Variants in AKAP9 observed in about 807,000 individuals in gnomAD.
The protein encoded by AKAP9 is A-kinase anchor protein 9.
In AKAP9, 311 loss-of-function variants were observed where a neutral mutation model predicts 488.5. The ratio of observed to expected loss-of-function variants is 0.64; its 90% CI spans 0.58 to 0.70. The LOEUF (loss-of-function observed/expected upper bound fraction) is 0.70. Among genes scored for constraint, AKAP9 ranks in the 30% least tolerant of loss-of-function variants. The pLI is 0.00. For missense variants in AKAP9, 4,215 were observed against 4,374.5 expected (o/e 0.96, Z 1.03); for synonymous variants, 1,462 against 1,483.5 (o/e 0.99, Z 0.33).
At chr7:91,949,288 TG>T (rs1225958675) in intron 1 of AKAP9, among the ~76,000 whole-genome samples, 1 of 152,200 alleles carries the variant, frequency 6.6e-6, no homozygotes, top group Non-Finnish European at 1.5e-5. Flanking sequence ...TTAGGCTTTT[TG>T]GGCTTTGCCA....
intron 1 of AKAP9, among the ~76,000 whole-genome samples, chr7:91,967,278 CT>C (rs1340320133): frequency 3.3e-5 from 5 of 151,950 alleles, no homozygotes; most frequent in African/African-American, 1.2e-4. Flanking sequence ...CTAAATTGAC[CT>C]TTTCCTTTCC....
intron 14 of AKAP9, among the ~76,000 whole-genome samples, chr7:92,023,672 A>G (rs1802653749): frequency 6.6e-6 from 1 of 152,208 alleles, no homozygotes; most frequent in Non-Finnish European, 1.5e-5. Flanking sequence ...AGCAGGTGCC[A>G]GAATCTTGCT....
Position 92,089,545 on chromosome 7 carries a change from AGCTCATAT to A in AKAP9, c.9358+18_9358+25del. ...CCAAGCCAAGGTATGTTGTATGACA[AGCTCATAT>A]GGTTACACAAACAGGTGAAAAGATT... is the stretch of plus-strand genomic sequence containing the variant. On this transcript the variant is annotated intron_variant, in intron 38 of 49. Transcript: ENST00000356239. 1 of 1,612,036 alleles carries A rather than the reference AGCTCATAT, an allele frequency of 6.2e-7. No individual in the cohort carries two copies. Among genetic ancestry groups the A allele is most frequent in the Non-Finnish European group, 8.5e-7 (1 of 1,178,790 alleles).
At chr7:91,957,685 A>G (rs1426707548) in intron 1 of AKAP9, among the ~76,000 whole-genome samples, 1 of 152,226 alleles carries the variant, frequency 6.6e-6, no homozygotes. Flanking sequence ...ATGACAATGT[A>G]TATTTAGATT....
At chr7:91,978,135 G>A (rs543973562) in intron 2 of AKAP9, among the ~76,000 whole-genome samples, 2 of 151,400 alleles carry the variant, frequency 1.3e-5, no homozygotes, top group African/African-American at 2.4e-5. Flanking sequence ...CTAGCTACTC[G>A]GGAGGCTGAG....
In AKAP9 at chr7:92,100,890, T is replaced by C. The variant is rs367598698; in HGVS notation, c.10931T>C (p.Ile3644Thr). 7.4e-6 allele frequency: 12 copies of C among 1,614,202 alleles called. No individual in the cohort carries two copies. The highest frequency in any genetic ancestry group is 9.3e-6 in the Non-Finnish European group (11 of 1,180,030). Residue 3644 changes from isoleucine (I) to threonine (T), a missense_variant, in exon 45 of 50, where the codon ATT becomes ACT. Physicochemically the swap from Ile to Thr is moderately conservative, Grantham distance 89 (BLOSUM62 -1). This residue lies in a region of AKAP9 where 74 missense variants were observed against 113.0 expected (regional missense o/e 0.65). Coordinates refer to ENST00000356239, the MANE Select transcript of AKAP9 (RefSeq NM_005751.5). ...TTTTCATTGAATGGTGGTGCCAACA[T>C]TGAAGCCATCATTGCCTCTGAAAAA... is the stretch of plus-strand genomic sequence containing the variant. ...SRFSLNGGANIEAIIASEKEV... is the reference protein window; with the variant it reads ...SRFSLNGGANTEAIIASEKEV...
intron 3 of AKAP9, among the ~76,000 whole-genome samples, chr7:91,982,170 T>G (rs760529432): frequency 2.5e-5 from 3 of 119,594 alleles, no homozygotes; most frequent in Non-Finnish European, 5.7e-5. Flanking sequence ...TACGTACGTA[T>G]GTATGTATGT....
chr7:92,040,453 T>C (rs1041142486), intron 17 of AKAP9, among the ~76,000 whole-genome samples: 1 of 152,130 alleles, frequency 6.6e-6, no homozygotes, highest in Admixed American at 6.6e-5. Context: ...GCTGTTTTGC[T>C]TTTGGAAAAT....
At chr7:92,089,676 A>C in intron 38 of AKAP9, 147 bp downstream of exon 38, 1 of 927,736 alleles carries the variant, frequency 1.1e-6, no homozygotes, top group Non-Finnish European at 1.7e-6. Context: ...AATCTATATT[A>C]ATTACTCTAG....
rs373705132 is a variant in AKAP9, at chr7:92,042,198, T to G, written c.5058+12T>G. ...GTACGCAAACACAGGTAGTATGGAC[T>G]TTGCCCCACCTAGGAGCAATGGATC... is the stretch of plus-strand genomic sequence containing the variant. On this transcript the variant is annotated intron_variant, in intron 19 of 49. Transcript: ENST00000356239. 223 of 1,613,534 alleles carry G rather than the reference T, an allele frequency of 1.4e-4. No individual in the cohort carries two copies. Among genetic ancestry groups the G allele is most frequent in the Non-Finnish European group, 1.8e-4 (211 of 1,179,736 alleles).
intron 2 of AKAP9, among the ~76,000 whole-genome samples, chr7:91,977,080 G>A (rs1488584946): frequency 6.6e-6 from 1 of 151,814 alleles, no homozygotes; most frequent in Non-Finnish European, 1.5e-5. Context: ...GCAAAAAAGG[G>A]ATATTCTGTC....
At position 92,084,855 on chromosome 7, in the gene AKAP9, C is replaced by A. The variant is rs146648044; in HGVS notation, c.8747C>A (p.Thr2916Lys). ...GACTGGGGTCAGGGAATTTATCTTA[C>A]ACACAGTCAGGGATTTGACATAGCA... Reference protein sequence around the residue: ...GSDWGQGIYLTHSQGFDIASE... With the variant: ...GSDWGQGIYLKHSQGFDIASE... The change falls in exon 35 of 50, where the codon ACA becomes AAA. Residue 2916 changes from threonine (T) to lysine (K), a missense_variant. By Grantham distance (78) the Thr-to-Lys change is moderately conservative (BLOSUM62 -1). Coordinates refer to ENST00000356239, the MANE Select transcript of AKAP9 (RefSeq NM_005751.5). 194 of 1,612,790 alleles carry A rather than the reference C, an allele frequency of 1.2e-4. 1 individual carries two copies. The highest frequency in any genetic ancestry group is 4.9e-4 in the South Asian group (45 of 91,056).
Position 91,981,603 on chromosome 7 carries a change from CTTTTTTTTTT to C in AKAP9, c.351+1281_351+1290del, listed in dbSNP as rs532220900. Among the ~76,000 whole-genome samples, 5 of 106,632 alleles carry C rather than the reference CTTTTTTTTTT, an allele frequency of 4.7e-5. No homozygotes were observed. The South Asian group carries it at 1.6e-3, about 35-fold the overall frequency. The allele number at this position is 106,632 out of a possible 152,430, so 70.0% of individuals were successfully genotyped here. Reference sequence around the variant, plus strand: ...GCTCTAATTTTTATATCTTGTATTTCTTTTTTTTTTTTTTTTTTTTCACCAAGATGGAGTC... The same window carrying C: ...GCTCTAATTTTTATATCTTGTATTTCTTTTTTTTTTCACCAAGATGGAGTC... On this transcript the variant is annotated intron_variant, in intron 3 of 49. Transcript: ENST00000356239.
chr7:91,969,066 C>A (rs1794751040), intron 1 of AKAP9, among the ~76,000 whole-genome samples: 1 of 151,676 alleles, frequency 6.6e-6, no homozygotes, highest in Non-Finnish European at 1.5e-5. Context: ...GGTTTGAGAC[C>A]AACCTGGGCA....
rs1430333418 is a variant in AKAP9, at chr7:92,012,528, G to C, written c.3418G>C (p.Asp1140His). 3 of 1,613,966 alleles carry C rather than the reference G, an allele frequency of 1.9e-6. No individual in the cohort carries two copies. The South Asian group carries it at 3.3e-5, about 18-fold the overall frequency. The change falls in exon 9 of 50, where the codon GAT (aspartate) becomes CAT (histidine). Residue 1140 changes from aspartate (D) to histidine (H), a missense_variant. Around this residue, in one of 5 missense-constraint regions of AKAP9, gnomAD observed 2,361 missense variants for 2,430.0 expected, o/e 0.97. Coordinates refer to ENST00000356239, the MANE Select transcript of AKAP9 (RefSeq NM_005751.5). ...QVREYMENEK[D>H]KALCSLKEEL... ...TCGTGAATATATGGAAAATGAAAAA[G>C]ATAAAGCTCTTTGCAGTCTTAAAGA...
At position 92,045,088 on chromosome 7, in the gene AKAP9, C is replaced by G. The variant is rs533352983; in HGVS notation, c.5243C>G (p.Thr1748Arg). The change falls in exon 21 of 50, where the codon ACA becomes AGA. Residue 1748 changes from threonine to arginine, a missense_variant. Physicochemically the swap from Thr to Arg is moderately conservative, Grantham distance 71. Around this residue, in one of 5 missense-constraint regions of AKAP9, gnomAD observed 2,361 missense variants for 2,430.0 expected, o/e 0.97. Transcript: ENST00000356239. ...VVKTTAAVEE[T>R]IGRHVLGILD... ...AAGACAACAGCAGCTGTTGAAGAAA[C>G]AATTGGTCGCCATGTCCTTGGGATT... The G allele has an allele frequency of 2.5e-6, 4 of 1,613,448 alleles. No homozygotes were observed. The African/African-American group carries it at 4.0e-5, about 16-fold the overall frequency.
chr7:92,020,858 A>G lies in AKAP9; in HGVS notation c.3838-1380A>G, dbSNP rs546476499. The stretch of plus-strand genomic sequence containing the variant: ...GGGGTAGGAATTGGGTAGAGGATGT[A>G]TAAGAGTAGTGAACAGTTAAAACAG... On this transcript the variant is annotated intron_variant, in intron 12 of 49. Transcript: ENST00000356239. Among the ~76,000 whole-genome samples, 7 of 152,360 alleles carry G rather than the reference A, an allele frequency of 4.6e-5. No individual in the cohort carries two copies. In the East Asian group the frequency reaches 9.6e-4, roughly 21 times the overall value.
Position 92,079,624 on chromosome 7 carries a change from G to A in AKAP9, c.7491G>A (p.Leu2497=), listed in dbSNP as rs775392391. 5 of 1,613,822 alleles carry A rather than the reference G, an allele frequency of 3.1e-6. No individual in the cohort carries two copies. In the South Asian group the frequency reaches 5.5e-5, roughly 18 times the overall value. The change falls in exon 31 of 50, where the codon TTG becomes TTA. Residue 2497 remains leucine, a synonymous_variant. Transcript: ENST00000356239. The stretch of plus-strand genomic sequence containing the variant: ...ATGGCAAAGGTTCCATAATTAATTT[G>A]GAAACAAGGTTGCTACAACTTGAGA... ...EENGKGSIIN[L]ETRLLQLEST...
At chr7:92,100,797 A>G in intron 44 of AKAP9, 59 bp from the exon 45 acceptor site, 1 of 1,590,520 alleles carries the variant, frequency 6.3e-7, no homozygotes, top group Non-Finnish European at 8.6e-7. Flanking sequence ...TATCTTTTTA[A>G]TATGTTTAGC....
Sources: gnomAD v4.1 joint callset for allele counts (sites outside exome capture counted in the v4.1 genomes callset) on GRCh38, gnomAD v4.1.1 for gene constraint, gnomAD v4.1.1 regional missense constraint, MANE v1.5 for transcripts, NCBI Gene and HGNC (gene_info 2026-07-23, HGNC 2026-07-21) for gene names.